TAF3: variants seen among roughly 807,000 people sequenced by gnomAD.
The protein encoded by TAF3 is transcription initiation factor TFIID subunit 3.
A neutral mutation model predicts 80.6 loss-of-function variants in TAF3; 7 were observed. That is an observed-to-expected ratio of 0.09 (90% CI 0.05 to 0.16). TAF3 has a LOEUF of 0.16. Among genes scored for constraint, TAF3 ranks in the 10% least tolerant of loss-of-function variants. The probability of loss-of-function intolerance (pLI) is 1.00; values close to 1 mark genes in which losing one functional copy is unlikely to be tolerated. For missense variants in TAF3, 921 were observed against 1,140.2 expected, an observed-to-expected ratio of 0.81 and a Z score of 2.77; for synonymous variants, 444 against 446.1, an observed-to-expected ratio of 1.00 and a Z score of 0.06.
chr10:7,990,433 T>A (rs1002721170), intron 4 of TAF3, among the ~76,000 whole-genome samples: 1 of 152,220 alleles, frequency 6.6e-6, no homozygotes, highest in Non-Finnish European at 1.5e-5. Context: ...AATTTGTATC[T>A]GCTTTATATG....
Position 7,844,049 on chromosome 10 carries a change from G to A in TAF3, c.409+19489G>A, listed in dbSNP as rs549089011. On this transcript the variant is annotated intron_variant, in intron 2 of 6. Transcript: ENST00000344293. The stretch of plus-strand genomic sequence containing the variant: ...AAAGCATACAACTTTAGTCATTGAT[G>A]CCTTGTTTTAGAAAGGATAGTAACA... Among the ~76,000 whole-genome samples, 7 of 152,272 alleles carry A rather than the reference G, an allele frequency of 4.6e-5. No homozygotes were observed. The East Asian group carries it at 1.2e-3, about 25-fold the overall frequency.
intron 4 of TAF3, among the ~76,000 whole-genome samples, chr10:7,988,572 CAAAA>C (rs58825999): frequency 4.1e-4 from 20 of 49,274 alleles, no homozygotes; most frequent in South Asian, 6.4e-4. Flanking sequence ...GACCCTGTCT[CAAAA>C]AAAAAAAAAA....
intron 2 of TAF3, among the ~76,000 whole-genome samples, chr10:7,921,344 A>G (rs1413988231): frequency 3.3e-5 from 5 of 152,142 alleles, no homozygotes; most frequent in Non-Finnish European, 7.4e-5. Flanking sequence ...GCCTTTAAAA[A>G]TTCTCACTTT....
chr10:7,911,282 C>T (rs546492880), intron 2 of TAF3, among the ~76,000 whole-genome samples: 14 of 152,304 alleles, frequency 9.2e-5, no homozygotes, highest in Admixed American at 7.2e-4. Context: ...TTTAGTCAGT[C>T]AGTGAAATCT....
chr10:7,851,129 G>A (rs1837023032), intron 2 of TAF3, among the ~76,000 whole-genome samples: 1 of 151,820 alleles, frequency 6.6e-6, no homozygotes, highest in African/African-American at 2.4e-5. Context: ...AAAACATAGA[G>A]CATTTTAAGG....
intron 2 of TAF3, among the ~76,000 whole-genome samples, chr10:7,850,145 A>G (rs1400821748): frequency 6.6e-6 from 1 of 152,240 alleles, no homozygotes; most frequent in East Asian, 1.9e-4. Flanking sequence ...CAATAGCAAC[A>G]AAACTCAGTG....
intron 4 of TAF3, among the ~76,000 whole-genome samples, chr10:8,002,319 C>T (rs563264060): frequency 1.6e-4 from 24 of 152,194 alleles, no homozygotes; most frequent in South Asian, 2.1e-4. Context: ...TGCTTTATCC[C>T]GTCGCACATC....
At chr10:7,923,188 G>A (rs767300721) in intron 2 of TAF3, among the ~76,000 whole-genome samples, 2 of 151,928 alleles carry the variant, frequency 1.3e-5, no homozygotes, top group African/African-American at 2.4e-5. Flanking sequence ...CTATATCCTC[G>A]ATTCCTGGTA....
intron 3 of TAF3, among the ~76,000 whole-genome samples, chr10:7,973,857 C>G (rs1039924515): frequency 6.6e-6 from 1 of 152,144 alleles, no homozygotes; most frequent in Non-Finnish European, 1.5e-5. Context: ...CAGCCAGGCA[C>G]GGTGGCTCAC....
At chr10:7,962,858 T>C (rs913396860) in intron 2 of TAF3, among the ~76,000 whole-genome samples, 2 of 152,252 alleles carry the variant, frequency 1.3e-5, no homozygotes, top group Non-Finnish European at 2.9e-5. Context: ...CTGATTTATT[T>C]CAGTGGCTCT....
At chr10:7,819,139 C>T (rs1362337167) in intron 1 of TAF3, among the ~76,000 whole-genome samples, 1 of 152,142 alleles carries the variant, frequency 6.6e-6, no homozygotes, top group Non-Finnish European at 1.5e-5. Flanking sequence ...TCCTACCGCT[C>T]CTCCGCTCTG....
At chr10:7,983,122 G>A (rs918000924) in intron 4 of TAF3, among the ~76,000 whole-genome samples, 2 of 152,216 alleles carry the variant, frequency 1.3e-5, no homozygotes, top group Non-Finnish European at 2.9e-5. Context: ...TCTGGCCTCT[G>A]CGGTGGCAGA....
At chr10:7,944,145 G>A (rs1282077481) in intron 2 of TAF3, among the ~76,000 whole-genome samples, 3 of 149,204 alleles carry the variant, frequency 2.0e-5, no homozygotes, top group Non-Finnish European at 3.0e-5. Context: ...GTTGTGGGGG[G>A]GAGGGAAAAG....
At chr10:8,000,087 C>T (rs1344074844) in intron 4 of TAF3, among the ~76,000 whole-genome samples, 8 of 152,136 alleles carry the variant, frequency 5.3e-5, no homozygotes, top group Admixed American at 4.6e-4. Flanking sequence ...ACAGTTTAGA[C>T]GTATACATTG....
chr10:7,904,779 G>T (rs1476935828), intron 2 of TAF3, among the ~76,000 whole-genome samples: 11 of 152,126 alleles, frequency 7.2e-5, no homozygotes, highest in Non-Finnish European at 1.2e-4. Flanking sequence ...GAAACTTGGG[G>T]TTTTTTCCAG....
intron 4 of TAF3, among the ~76,000 whole-genome samples, chr10:7,990,220 G>A (rs1477333681): frequency 6.6e-6 from 1 of 152,178 alleles, no homozygotes; most frequent in Non-Finnish European, 1.5e-5. Flanking sequence ...GAGGAACCTT[G>A]AGAGTCGCTA....
At chr10:7,875,452 A>C (rs1272454688) in intron 2 of TAF3, among the ~76,000 whole-genome samples, 1 of 152,188 alleles carries the variant, frequency 6.6e-6, no homozygotes, top group Non-Finnish European at 1.5e-5. Context: ...TTGCTGGATT[A>C]GATTGATTGT....
At chr10:7,995,531 T>C (rs7893610) in intron 4 of TAF3, among the ~76,000 whole-genome samples, 19,980 of 152,240 alleles carry the variant, frequency 0.13, 1,796 homozygotes, top group African/African-American at 0.26. Flanking sequence ...TGAATATTAA[T>C]GCCCTTTTAG....
rs757212110 is a variant in TAF3, at chr10:7,965,195, A to G, written c.1685A>G (p.Lys562Arg). Residue 562 changes from lysine to arginine, a missense_variant, in exon 3 of 7, where the codon AAA becomes AGA. By Grantham distance (26) the Lys-to-Arg change is conservative. Transcript: ENST00000344293. ...AAGGAGAAGGATAAAGTGAAAGAGAAAGAGAAAGACAAGGAAACTGGCAGG... is the reference window on the plus strand; with the variant it reads ...AAGGAGAAGGATAAAGTGAAAGAGAGAGAGAAAGACAAGGAAACTGGCAGG... ...KSKEKDKVKE[K>R]EKDKETGRET... 10 of 1,606,586 alleles carry G rather than the reference A, an allele frequency of 6.2e-6. No homozygotes were observed. In the Admixed American group the frequency reaches 1.2e-4, roughly 19 times the overall value.
Sources: allele counts gnomAD v4.1 joint callset (sites outside exome capture counted in the v4.1 genomes callset), GRCh38; gene constraint gnomAD v4.1.1; transcripts MANE v1.5; gene names NCBI Gene and HGNC (gene_info 2026-07-23, HGNC 2026-07-21).